The following SEC14L1 variants were observed in gnomAD, a reference collection of about 807,000 sequenced individuals.
SEC14L1 encodes SEC14-like protein 1.
SEC14L1 carries 48 observed loss-of-function variants against 85.3 expected under a neutral mutation model. The observed-to-expected ratio is 0.56, with a 90% CI of 0.45 to 0.72. The LOEUF (loss-of-function observed/expected upper bound fraction) is 0.72, where lower values mean the gene tolerates loss of function less well. Ranked by LOEUF, SEC14L1 falls within the 30% of genes least tolerant of loss-of-function variation. SEC14L1 has a pLI of 0.00. For synonymous variants in SEC14L1, 391 were observed against 355.5 expected (o/e 1.10, Z -1.12); for missense variants, 682 against 921.4 (o/e 0.74, Z 3.36).
chr17:77,206,729 T>G lies in SEC14L1; in HGVS notation c.1343T>G (p.Val448Gly). 1 of 1,604,674 alleles carries G rather than the reference T, an allele frequency of 6.2e-7. No individual in the cohort carries two copies. Among genetic ancestry groups the G allele is most frequent in the Non-Finnish European group, 8.5e-7 (1 of 1,176,644 alleles). The stretch of plus-strand genomic sequence containing the variant: ...TGCATGGTCTTCTCCTCCTCACAGG[T>G]TAGTCCGTTCATTGATGACAACACC... ...PRVFPVLWTL[V>G]SPFIDDNTRR... The change falls in exon 13 of 17, where the codon GTT (valine) becomes GGT (glycine). Residue 448 changes from valine (V) to glycine (G), a missense_variant and splice_region_variant. Physicochemically the swap from Val to Gly is moderately radical, Grantham distance 109 (BLOSUM62 -3). Coordinates refer to ENST00000436233, the MANE Select transcript of SEC14L1 (RefSeq NM_001143998.2). The surrounding 1 kb of genome is among the most constrained non-coding windows in gnomAD (Gnocchi z 4.3).
intron 3 of SEC14L1, among the ~76,000 whole-genome samples, chr17:77,101,510 G>C (rs1043561580): frequency 5.9e-5 from 9 of 152,144 alleles, no homozygotes; most frequent in African/African-American, 1.9e-4. Flanking sequence ...TAACTGTCAT[G>C]GTTAAATCCC....
chr17:77,191,224 T>C lies in SEC14L1; in HGVS notation c.257T>C (p.Leu86Pro), dbSNP rs578095610. ...DYVYFVQKNS[L>P]NSRERTLHIE... ...GTTTATTTTGTCCAGAAAAACTCAC[T>C]GAATTCTCGGGAACGTACTTTGCAC... The change falls in exon 5 of 17, where the codon CTG (leucine) becomes CCG (proline). Residue 86 changes from leucine (L) to proline (P), a missense_variant. By Grantham distance (98) the Leu-to-Pro change is moderately conservative. Coordinates refer to ENST00000436233, the MANE Select transcript of SEC14L1 (RefSeq NM_001143998.2). 6.2e-7 allele frequency: 1 copy of C among 1,613,778 alleles called. No individual in the cohort carries two copies. Among genetic ancestry groups the C allele is most frequent in the South Asian group, 1.1e-5 (1 of 91,078 alleles).
chr17:77,203,677 G>A lies in SEC14L1; in HGVS notation c.1098+19G>A, dbSNP rs748772497. On this transcript the variant is annotated intron_variant, in intron 10 of 16. Transcript: ENST00000436233. ...GAGATACGTAAGTGCGCGGCTGCGA[G>A]ACTCCAGGTGCCACTGTGGCGTCAC... 3.8e-6 allele frequency: 6 copies of A among 1,595,060 alleles called. No individual in the cohort carries two copies. In the Admixed American group the frequency reaches 6.8e-5, roughly 18 times the overall value.
chr17:77,185,288 TGACGCTGACAGAGCTCTGGAGAGGTCA>T, intron 3 of SEC14L1: 1 of 985,450 alleles, frequency 1.0e-6, no homozygotes, highest in South Asian at 4.7e-5. Flanking sequence ...TAACTGCCCC[TGACGCTGACAGAGCTCTGGAGAGGTCA>T]GTGCAGCTTC....
rs1567933792 is a variant in SEC14L1, at chr17:77,206,318, T to C, written c.1259T>C (p.Val420Ala). The C allele has an allele frequency of 6.2e-7, 1 of 1,613,990 alleles. No individual in the cohort carries two copies. Among genetic ancestry groups the C allele is most frequent in the East Asian group, 2.2e-5 (1 of 44,866 alleles). ...AAAGCGCTGCTGCGGATCATCGAGG[T>C]GGTGGAGGCCAACTACCCTGAGACA... is the stretch of plus-strand genomic sequence containing the variant. ...GVKALLRIIE[V>A]VEANYPETLG... Residue 420 changes from valine (V) to alanine (A), a missense_variant, in exon 12 of 17, where the codon GTG becomes GCG. Transcript: ENST00000436233. The surrounding 1 kb of genome is among the most constrained non-coding windows in gnomAD (Gnocchi z 4.3).
chr17:77,198,730 C>G (rs543186321), intron 8 of SEC14L1, among the ~76,000 whole-genome samples: 2 of 151,982 alleles, frequency 1.3e-5, no homozygotes, highest in African/African-American at 4.8e-5. Flanking sequence ...CCCGCCACCA[C>G]GCCCAGATAA....
intron 3 of SEC14L1, among the ~76,000 whole-genome samples, chr17:77,098,121 A>C (rs572072299): frequency 3.3e-5 from 5 of 152,272 alleles, no homozygotes; most frequent in African/African-American, 1.2e-4. Flanking sequence ...TTTTCTCTGA[A>C]TAGTGTCCGT....
intron 14 of SEC14L1, chr17:77,211,619 T>A (rs1761617901): frequency 2.9e-6 from 1 of 341,816 alleles, no homozygotes; most frequent in Non-Finnish European, 5.5e-6. Context: ...AGGGCAGTCC[T>A]CTGAACCACT....
At chr17:77,112,667 C>A (rs932263802) in intron 3 of SEC14L1, among the ~76,000 whole-genome samples, 1 of 151,604 alleles carries the variant, frequency 6.6e-6, no homozygotes, top group African/African-American at 2.4e-5. Flanking sequence ...GGGTGGATCA[C>A]GAGGTCAGGA....
intron 3 of SEC14L1, among the ~76,000 whole-genome samples, chr17:77,107,350 C>T (rs1971937755): frequency 6.6e-6 from 1 of 152,176 alleles, no homozygotes; most frequent in Non-Finnish European, 1.5e-5. Context: ...CAGGGACGAT[C>T]ACTTGCCAAG....
chr17:77,095,078 A>G (rs974886805), intron 3 of SEC14L1: 1 of 152,246 alleles, frequency 6.6e-6, no homozygotes, highest in Non-Finnish European at 1.5e-5. Flanking sequence ...TGTCCTTGGA[A>G]TATGAGTCTT....
Position 77,096,487 on chromosome 17 carries a change from G to T in SEC14L1, c.-136+3140G>T, listed in dbSNP as rs561118033. 9.2e-5 allele frequency among the ~76,000 whole-genome samples: 14 copies of T among 151,872 alleles called. No homozygotes were observed. In the East Asian group the frequency reaches 2.3e-3, roughly 25 times the overall value. On this transcript the variant is annotated intron_variant, in intron 3 of 19. Transcript: ENST00000392476. The stretch of plus-strand genomic sequence containing the variant: ...CAGGAGAACCGCATGAACCTGGGAG[G>T]CAGCGGTTGCAGTGAGCCGAGATAG...
At chr17:77,182,084 T>G (rs1975064737) in intron 3 of SEC14L1, among the ~76,000 whole-genome samples, 1 of 152,180 alleles carries the variant, frequency 6.6e-6, no homozygotes, top group Non-Finnish European at 1.5e-5. Context: ...GGGTCGTGTC[T>G]GATGCTGTAG....
At chr17:77,212,344 A>T in intron 15 of SEC14L1, 143 bp downstream of exon 15, 1 of 1,201,698 alleles carries the variant, frequency 8.3e-7, no homozygotes, top group Non-Finnish European at 1.2e-6. Context: ...GCTTGCCTGG[A>T]GGAGCAGGAA....
At chr17:77,125,003 ATTATTATT>A (rs200174503) in intron 3 of SEC14L1, among the ~76,000 whole-genome samples, 23,031 of 128,412 alleles carry the variant, frequency 0.18, 2,999 homozygotes, top group African/African-American at 0.38. Context: ...TATTATTTTT[ATTATTATT>A]ATATATTTTT....
At chr17:77,131,208 C>A (rs1972600133) in intron 3 of SEC14L1, among the ~76,000 whole-genome samples, 2 of 152,194 alleles carry the variant, frequency 1.3e-5, no homozygotes, top group South Asian at 4.1e-4. Flanking sequence ...TGTGTTTCAA[C>A]TGCTAGGTGT....
At chr17:77,171,184 A>G (rs553084345) in intron 3 of SEC14L1, among the ~76,000 whole-genome samples, 2 of 152,306 alleles carry the variant, frequency 1.3e-5, no homozygotes, top group Admixed American at 1.3e-4. Context: ...ATACACCCAT[A>G]AACTCCGAGA....
intron 3 of SEC14L1, chr17:77,099,111 C>A (rs1971710355): frequency 6.6e-6 from 1 of 152,128 alleles, no homozygotes; most frequent in African/African-American, 2.4e-5. Flanking sequence ...CACATGTTCA[C>A]AGACTGTCAG....
In SEC14L1 at chr17:77,209,384, C is replaced by G. The variant is rs1471319795; in HGVS notation, c.1519C>G (p.Arg507Gly). ...EGGLVPKSLY[R>G]TAEELENEDL... ...TGGACTGGTCCCCAAATCTCTGTAC[C>G]GGACTGCAGAGGAGCTGGAGAACGA... The change falls in exon 14 of 17, where the codon CGG becomes GGG. Residue 507 changes from arginine (R) to glycine (G), a missense_variant. Around this residue, in one of 3 missense-constraint regions of SEC14L1, gnomAD observed 420 missense variants for 619.5 expected, o/e 0.68. Coordinates refer to ENST00000436233, the MANE Select transcript of SEC14L1 (RefSeq NM_001143998.2). The G allele has an allele frequency of 4.3e-6, 7 of 1,613,940 alleles. No individual in the cohort carries two copies. Among genetic ancestry groups the G allele is most frequent in the African/African-American group, 1.3e-5 (1 of 74,896 alleles).
Sources: allele counts gnomAD v4.1 joint callset (sites outside exome capture counted in the v4.1 genomes callset), GRCh38; gene constraint gnomAD v4.1.1; regional missense constraint gnomAD v4.1.1; non-coding constraint Gnocchi (gnomAD v3.1); transcripts MANE v1.5; gene names NCBI Gene and HGNC (gene_info 2026-07-23, HGNC 2026-07-21).